The following PPP6C variants were observed in gnomAD, a reference collection of about 807,000 sequenced individuals.
PPP6C encodes protein phosphatase 6 catalytic subunit, also known as serine/threonine-protein phosphatase 6 catalytic subunit.
PPP6C carries 11 observed loss-of-function variants against 39.8 expected under a neutral mutation model. The ratio of observed to expected loss-of-function variants is 0.28; its 90% CI spans 0.17 to 0.46. The LOEUF is 0.46. Ranked by LOEUF, PPP6C falls within the 20% of genes least tolerant of loss-of-function variation. The pLI, the probability that PPP6C is intolerant of heterozygous loss-of-function variation, is 1.00. For missense variants in PPP6C, 211 were observed against 373.9 expected (o/e 0.56, Z 3.59); for synonymous variants, 129 against 130.3 (o/e 0.99, Z 0.07).
chr9:125,174,698 T>A (rs2131333884), intron 1 of PPP6C, among the ~76,000 whole-genome samples: 1 of 151,080 alleles, frequency 6.6e-6, no homozygotes, highest in South Asian at 2.1e-4. Flanking sequence ...TCATTTGAGG[T>A]CAGGAGTTCG....
At position 125,151,120 on chromosome 9, in the gene PPP6C, T is replaced by C; in HGVS notation, c.670-1199A>G. On this transcript the variant is annotated intron_variant, in intron 6 of 6. Coordinates refer to ENST00000373547, the MANE Select transcript of PPP6C (RefSeq NM_002721.5). ...CCTGAAGTGGATAAGGGAGAATATC[T>C]CTGAGCAGAAGAACTGCACTATTGT... The C allele has an allele frequency of 5.1e-6, 7 of 1,370,064 alleles. 1 individual carries two copies. In the South Asian group the frequency reaches 8.1e-5, roughly 16 times the overall value. The allele number at this position is 1,370,064 out of a possible 1,614,324, so 84.9% of individuals were successfully genotyped here. A position where few individuals can be genotyped will look rare whatever the true frequency, so the allele number is the denominator to read the frequency against.
chr9:125,168,354 C>G (rs1167238392), intron 2 of PPP6C, among the ~76,000 whole-genome samples: 1 of 152,206 alleles, frequency 6.6e-6, no homozygotes, highest in Non-Finnish European at 1.5e-5. Context: ...AATTCCAGAA[C>G]AGGCCCCAGA....
chr9:125,147,549 T>C lies in PPP6C; in HGVS notation c.*2124A>G, dbSNP rs1315050821. 1 of 152,214 alleles carries C rather than the reference T, an allele frequency of 6.6e-6. No homozygotes were observed. Among genetic ancestry groups the C allele is most frequent in the Non-Finnish European group, 1.5e-5 (1 of 68,022 alleles). 9.4% of individuals were successfully genotyped at this position (152,214 alleles called of 1,614,324 possible). ...ACTATTTTTTCCATGCAAAAAGCCA[T>C]TATTCAGTTGAAGAGAAATCAGGCA... On this transcript the variant is annotated 3_prime_UTR_variant, in exon 7 of 7. Coordinates refer to ENST00000373547, the MANE Select transcript of PPP6C (RefSeq NM_002721.5).
chr9:125,188,833 A>T lies in PPP6C; in HGVS notation c.75+811T>A, dbSNP rs1829592539. ...TAATAATAATAATTAAAAAGTTTTA[A>T]AAAAGAAAAGCAGTATACCAAAGTC... On this transcript the variant is annotated intron_variant, in intron 1 of 6. Coordinates refer to ENST00000373547, the MANE Select transcript of PPP6C (RefSeq NM_002721.5). 6.1e-6 allele frequency: 4 copies of T among 652,560 alleles called. 1 individual carries two copies. The allele number at this position is 652,560 out of a possible 1,614,324, so 40.4% of individuals were successfully genotyped here. A position where few individuals can be genotyped will look rare whatever the true frequency, so the allele number is the denominator to read the frequency against.
Position 125,153,939 on chromosome 9 carries a change from A to G in PPP6C, c.426T>C (p.Cys142=). The change falls in exon 5 of 7, where the codon TGT becomes TGC. Residue 142 remains cysteine (C), a synonymous_variant. Coordinates refer to ENST00000373547, the MANE Select transcript of PPP6C (RefSeq NM_002721.5). ...CTGTGAGCATGTCAAAAACTTTGGT[A>G]CAGTATCTCCAGGCATTAGCATTTC... The part of the protein sequence containing the change: ...KYGNANAWRY[C]TKVFDMLTVA... 2 of 1,612,260 alleles carry G rather than the reference A, an allele frequency of 1.2e-6. No individual in the cohort carries two copies. The highest frequency in any genetic ancestry group is 1.7e-6 in the Non-Finnish European group (2 of 1,178,290).
chr9:125,164,216 C>CTTTTTTTTTTTTTTTTTTTTTTTTTT lies in PPP6C; in HGVS notation c.172-3311_172-3310insAAAAAAAAAAAAAAAAAAAAAAAAAA. ...ATCTACTCTATGTCTCTCCCTCACTCTCTTTTTTTTTTTTTTTTTTTTTTT... is the reference window on the plus strand; with the variant it reads ...ATCTACTCTATGTCTCTCCCTCACTCTTTTTTTTTTTTTTTTTTTTTTTTTTTCTTTTTTTTTTTTTTTTTTTTTTT... On this transcript the variant is annotated intron_variant, in intron 2 of 6. Coordinates refer to ENST00000373547, the MANE Select transcript of PPP6C (RefSeq NM_002721.5). Among the ~76,000 whole-genome samples, 2 of 119,708 alleles carry CTTTTTTTTTTTTTTTTTTTTTTTTTT rather than the reference C, an allele frequency of 1.7e-5. 1 individual carries two copies. Among genetic ancestry groups the CTTTTTTTTTTTTTTTTTTTTTTTTTT allele is most frequent in the Non-Finnish European group, 3.5e-5 (2 of 56,712 alleles). 78.5% of individuals were successfully genotyped at this position (119,708 alleles called of 152,430 possible).
intron 2 of PPP6C, among the ~76,000 whole-genome samples, chr9:125,167,400 G>A (rs926364421): frequency 0.039 from 3,282 of 83,970 alleles, 147 homozygotes; most frequent in Middle Eastern, 0.088. Flanking sequence ...AAAAAAAAAA[G>A]AAATAAAAAA....
chr9:125,173,797 T>C lies in PPP6C; in HGVS notation c.76-2617A>G, dbSNP rs140772491. Among the ~76,000 whole-genome samples the C allele has an allele frequency of 4.5e-3, 682 of 152,004 alleles. 9 individuals are homozygous for C. The highest frequency in any genetic ancestry group is 0.012 in the South Asian group (57 of 4,806). Reference sequence around the variant, plus strand: ...CATACCCAGCTCATTTTTGGATTTTTAGTAGAGACAAGGTTTCACCATGTT... The same window carrying C: ...CATACCCAGCTCATTTTTGGATTTTCAGTAGAGACAAGGTTTCACCATGTT... On this transcript the variant is annotated intron_variant, in intron 1 of 6. Transcript: ENST00000373547.
rs1006256646 is a variant in PPP6C, at chr9:125,148,649, G to A, written c.*1024C>T. ...AAGGTCAAGTGTTACAGCAAGAGAA[G>A]AATGATTCCTATTGAAAAGCACATA... On this transcript the variant is annotated 3_prime_UTR_variant, in exon 7 of 7. Coordinates refer to ENST00000373547, the MANE Select transcript of PPP6C (RefSeq NM_002721.5). 6.6e-6 allele frequency: 1 copy of A among 152,152 alleles called. No homozygotes were observed. The highest frequency in any genetic ancestry group is 2.4e-5 in the African/African-American group (1 of 41,432). 9.4% of individuals were successfully genotyped at this position (152,152 alleles called of 1,614,324 possible).
At chr9:125,185,537 T>C (rs1377441178) in intron 1 of PPP6C, among the ~76,000 whole-genome samples, 1 of 150,944 alleles carries the variant, frequency 6.6e-6, no homozygotes, top group Non-Finnish European at 1.5e-5. Flanking sequence ...CTACTAAAAA[T>C]ACAAAAATTA....
intron 3 of PPP6C, 123 bp downstream of exon 3, chr9:125,160,718 A>G (rs1828849067): frequency 7.7e-6 from 5 of 645,684 alleles, no homozygotes; most frequent in Non-Finnish European, 1.2e-5. Flanking sequence ...GGACTAATAC[A>G]CATCTTTTAA....
intron 1 of PPP6C, among the ~76,000 whole-genome samples, chr9:125,176,150 A>G (rs918814128): frequency 4.6e-5 from 7 of 152,196 alleles, no homozygotes; most frequent in Non-Finnish European, 4.4e-5. Flanking sequence ...ATAAAGACCA[A>G]AAGTCCTGAT....
In PPP6C at chr9:125,153,942, G is replaced by A. The variant is rs1348124224; in HGVS notation, c.423C>T (p.Tyr141=). ...TKYGNANAWR[Y]CTKVFDMLTV... is the part of the protein sequence containing the mutation. Reference sequence around the variant, plus strand: ...TGAGCATGTCAAAAACTTTGGTACAGTATCTCCAGGCATTAGCATTTCCAT... The same window carrying A: ...TGAGCATGTCAAAAACTTTGGTACAATATCTCCAGGCATTAGCATTTCCAT... The change falls in exon 5 of 7, where the codon TAC becomes TAT. Residue 141 remains tyrosine, a synonymous_variant. Transcript: ENST00000373547. The A allele has an allele frequency of 3.7e-6, 6 of 1,612,140 alleles. No individual in the cohort carries two copies. Among genetic ancestry groups the A allele is most frequent in the Non-Finnish European group, 5.1e-6 (6 of 1,178,248 alleles).
chr9:125,189,738 G>C lies in PPP6C; in HGVS notation c.-20C>G. ...CGCCATTTTAAGAATAACAAGCCGC[G>C]GCAACAGCGGCGGCGGCGGCTGTAG... is the stretch of plus-strand genomic sequence containing the variant. On this transcript the variant is annotated 5_prime_UTR_variant, in exon 1 of 7. Transcript: ENST00000373547. The C allele has an allele frequency of 6.4e-7, 1 of 1,563,420 alleles. No individual in the cohort carries two copies. Among genetic ancestry groups the C allele is most frequent in the Non-Finnish European group, 8.6e-7 (1 of 1,159,324 alleles).
chr9:125,151,321 C>G (rs563172700), intron 6 of PPP6C: 395 of 1,457,714 alleles, frequency 2.7e-4, no homozygotes, highest in Middle Eastern at 6.9e-4. Flanking sequence ...GTGGCACAAT[C>G]TGCCATGCAG....
At chr9:125,171,496 TATATATATATATATATATATGAAG>T (rs1829162303) in intron 1 of PPP6C, among the ~76,000 whole-genome samples, 1 of 99,018 alleles carries the variant, frequency 1.0e-5, no homozygotes, top group Non-Finnish European at 2.1e-5. Flanking sequence ...TATATATATA[TATATATATATATATATATATGAAG>T]AAATAATTTT....
Position 125,171,936 on chromosome 9 carries a change from C to T in PPP6C, c.76-756G>A, listed in dbSNP as rs1398364707. 8.6e-6 allele frequency: 4 copies of T among 466,862 alleles called. No homozygotes were observed. In the East Asian group the frequency reaches 2.1e-4, roughly 24 times the overall value. 28.9% of individuals were successfully genotyped at this position (466,862 alleles called of 1,614,324 possible). On this transcript the variant is annotated intron_variant, in intron 1 of 6. Transcript: ENST00000373547. ...TTTGACCCAGCAACTGTAGTCTTGG[C>T]AATAAAAACATGTTCAAAATCTGTA... is the stretch of plus-strand genomic sequence containing the variant.
chr9:125,151,269 A>T, intron 6 of PPP6C: 1 of 1,500,784 alleles, frequency 6.7e-7, no homozygotes. Flanking sequence ...GGAGATGTGA[A>T]GGATCTGGTG....
intron 6 of PPP6C, chr9:125,150,586 G>C (rs1475541454): frequency 5.4e-6 from 4 of 738,574 alleles, no homozygotes; most frequent in Non-Finnish European, 8.9e-6. Context: ...GGCCGACTTT[G>C]GTTGCAGTCT....
Sources: allele counts gnomAD v4.1 joint callset (sites outside exome capture counted in the v4.1 genomes callset), GRCh38; gene constraint gnomAD v4.1.1; transcripts MANE v1.5; gene names NCBI Gene and HGNC (gene_info 2026-07-23, HGNC 2026-07-21).